DPP10: variants seen among roughly 807,000 people sequenced by gnomAD.
DPP10 encodes dipeptidyl peptidase like 10.
Under a neutral mutation model 120.9 loss-of-function variants are expected in DPP10, and 33 were observed. The ratio of observed to expected loss-of-function variants is 0.27; its 90% confidence interval spans 0.21 to 0.37. The LOEUF (loss-of-function observed/expected upper bound fraction) is 0.37. Among genes scored for constraint, DPP10 ranks in the 10% least tolerant of loss-of-function variants. The pLI, the probability that DPP10 is intolerant of heterozygous loss-of-function variation, is 1.00. For synonymous variants in DPP10, 337 were observed against 326.1 expected (o/e 1.03, Z -0.36); for missense variants, 816 against 942.8 (o/e 0.87, Z 1.76).
chr2:115,683,103 A>G (rs1217642043), intron 5 of DPP10, among the ~76,000 whole-genome samples: 1 of 151,954 alleles, frequency 6.6e-6, no homozygotes, highest in Non-Finnish European at 1.5e-5. Context: ...TGTCGTAAAT[A>G]CAGCCTAATT....
intron 1 of DPP10, among the ~76,000 whole-genome samples, chr2:114,934,102 C>T (rs1306872101): frequency 6.6e-6 from 1 of 152,180 alleles, no homozygotes; most frequent in African/African-American, 2.4e-5. Context: ...TTGCACTACA[C>T]TGGGTCTTCC....
chr2:114,928,976 T>G (rs1455294905), intron 1 of DPP10, among the ~76,000 whole-genome samples: 1 of 152,174 alleles, frequency 6.6e-6, no homozygotes, highest in Non-Finnish European at 1.5e-5. Flanking sequence ...CTTTTCTATT[T>G]TCCCTAAGTG....
At chr2:115,463,673 G>A (rs772783596) in intron 3 of DPP10, among the ~76,000 whole-genome samples, 12 of 151,942 alleles carry the variant, frequency 7.9e-5, no homozygotes, top group Admixed American at 2.0e-4. Flanking sequence ...GTCCATTTGC[G>A]TCTAATCTCA....
intron 1 of DPP10, among the ~76,000 whole-genome samples, chr2:114,865,457 G>A (rs1690148771): frequency 6.6e-6 from 1 of 152,180 alleles, no homozygotes; most frequent in Admixed American, 6.5e-5. Context: ...GACTGAAAAC[G>A]AATGGCTTAC....
At chr2:115,523,498 C>T (rs2148888462) in intron 4 of DPP10, among the ~76,000 whole-genome samples, 1 of 150,360 alleles carries the variant, frequency 6.7e-6, no homozygotes, top group South Asian at 2.1e-4. Context: ...ATGCTTCTCT[C>T]TGACCTTGAG....
At chr2:115,626,090 C>T (rs1396279033) in intron 5 of DPP10, among the ~76,000 whole-genome samples, 3 of 151,026 alleles carry the variant, frequency 2.0e-5, no homozygotes, top group East Asian at 3.9e-4. Flanking sequence ...AAATAGTTAC[C>T]TCTGTAGAGT....
chr2:114,830,291 C>G (rs1485644260), intron 1 of DPP10, among the ~76,000 whole-genome samples: 1 of 152,210 alleles, frequency 6.6e-6, no homozygotes, highest in Non-Finnish European at 1.5e-5. Context: ...CCATCTACAC[C>G]GAGATTCAGT....
intron 1 of DPP10, among the ~76,000 whole-genome samples, chr2:114,665,124 A>G (rs926369115): frequency 6.6e-6 from 1 of 152,216 alleles, no homozygotes. Context: ...ATATTACAAC[A>G]TAGTGGTCAA....
chr2:114,878,139 T>A (rs1271392929), intron 1 of DPP10, among the ~76,000 whole-genome samples: 1 of 152,058 alleles, frequency 6.6e-6, no homozygotes, highest in East Asian at 1.9e-4. Flanking sequence ...AACATCAAGA[T>A]GATTTTAAAA....
rs1028173153 is a variant in DPP10, at chr2:115,290,949, A to G, written c.61-18290A>G. On this transcript the variant is annotated intron_variant, in intron 1 of 25. Coordinates refer to ENST00000410059, the MANE Select transcript of DPP10 (RefSeq NM_020868.6). ...ATCTACTCATCTTTCTACCTCTTAC[A>G]TACAAAGAATGGGCTAGAGTTTGTC... is the stretch of plus-strand genomic sequence containing the variant. Among the ~76,000 whole-genome samples, 10 of 152,232 alleles carry G rather than the reference A, an allele frequency of 6.6e-5. No homozygotes were observed. In the South Asian group the frequency reaches 1.5e-3, roughly 22 times the overall value.
chr2:115,646,713 C>G (rs1288314931), intron 5 of DPP10, among the ~76,000 whole-genome samples: 1 of 152,158 alleles, frequency 6.6e-6, no homozygotes, highest in Admixed American at 6.6e-5. Context: ...GTTAAACAGA[C>G]TGTTTTTATA....
At chr2:114,470,903 C>T (rs1558787547) in intron 1 of DPP10, among the ~76,000 whole-genome samples, 1 of 152,156 alleles carries the variant, frequency 6.6e-6, no homozygotes, top group Non-Finnish European at 1.5e-5. Flanking sequence ...CTAAGCACCT[C>T]ATTGGTGGAG....
At chr2:115,042,604 A>C (rs1704741643) in intron 1 of DPP10, among the ~76,000 whole-genome samples, 2 of 152,210 alleles carry the variant, frequency 1.3e-5, no homozygotes, top group African/African-American at 4.8e-5. Context: ...CTATTGATGC[A>C]CGGAGTGTTA....
At chr2:115,429,081 G>A (rs867203759) in intron 3 of DPP10, among the ~76,000 whole-genome samples, 6 of 151,766 alleles carry the variant, frequency 4.0e-5, no homozygotes, top group Admixed American at 1.3e-4. Flanking sequence ...AAGAAACACC[G>A]AAAAAAGAAA....
In DPP10 at chr2:114,968,142, T is replaced by C. The variant is rs186584500; in HGVS notation, c.61-341097T>C. Among the ~76,000 whole-genome samples, 3 of 152,306 alleles carry C rather than the reference T, an allele frequency of 2.0e-5. No individual in the cohort carries two copies. The East Asian group carries it at 5.8e-4, about 29-fold the overall frequency. ...TTACCTAAAGCATAACATCTAAAAA[T>C]GTGTGCTTAGCTCATTCCCATATTT... On this transcript the variant is annotated intron_variant, in intron 1 of 25. Transcript: ENST00000410059.
At chr2:114,883,127 T>A (rs61478222) in intron 1 of DPP10, among the ~76,000 whole-genome samples, 13,952 of 152,258 alleles carry the variant, frequency 0.092, 785 homozygotes, top group East Asian at 0.26. Context: ...AGACCAAGCA[T>A]ATCAGTTCCT....
At chr2:115,373,492 A>G (rs1324438163) in intron 3 of DPP10, among the ~76,000 whole-genome samples, 1 of 88,452 alleles carries the variant, frequency 1.1e-5, no homozygotes, top group Non-Finnish European at 2.5e-5. Flanking sequence ...CATAGGATGA[A>G]GGGGAAAGAA....
At chr2:115,400,671 T>A (rs11893644) in intron 3 of DPP10, among the ~76,000 whole-genome samples, 1 of 151,864 alleles carries the variant, frequency 6.6e-6, no homozygotes, top group Admixed American at 6.6e-5. Context: ...CTGTGTGATA[T>A]TGGAAAAAAA....
chr2:114,635,075 AG>A (rs1695209380), intron 1 of DPP10, among the ~76,000 whole-genome samples: 1 of 151,936 alleles, frequency 6.6e-6, no homozygotes, highest in South Asian at 2.1e-4. Context: ...AGAAACAATA[AG>A]GTAATTTCTA....
Sources: allele counts gnomAD v4.1 joint callset (sites outside exome capture counted in the v4.1 genomes callset), GRCh38; gene constraint gnomAD v4.1.1; transcripts MANE v1.5; gene names NCBI Gene and HGNC (gene_info 2026-07-23, HGNC 2026-07-21).